Variants in NUP205 observed in about 807,000 individuals in gnomAD.
The protein encoded by NUP205 is nuclear pore complex protein Nup205.
A neutral mutation model predicts 253.8 loss-of-function variants in NUP205; 76 were observed. The observed-to-expected ratio is 0.30, with a 90% confidence interval of 0.25 to 0.36. The LOEUF (loss-of-function observed/expected upper bound fraction) is 0.36. Ranked by LOEUF, NUP205 falls within the 10% of genes least tolerant of loss-of-function variation. The probability of loss-of-function intolerance (pLI) is 1.00; values close to 1 mark genes in which losing one functional copy is unlikely to be tolerated. For synonymous variants in NUP205, 832 were observed against 850.1 expected (o/e 0.98, Z 0.37); for missense variants, 2,162 against 2,425.5 (o/e 0.89, Z 2.28).
At position 135,578,918 on chromosome 7, in the gene NUP205, G is replaced by A. The variant is rs1806227330; in HGVS notation, c.1042+3G>A. The A allele has an allele frequency of 6.3e-7, 1 of 1,580,414 alleles. No homozygotes were observed. Among genetic ancestry groups the A allele is most frequent in the Non-Finnish European group, 8.6e-7 (1 of 1,167,312 alleles). ...ATCCCAGCTACCTGATGTGACAGGT[G>A]AATTGATTGTAGGTAATTTTGTTAT... On this transcript the variant is annotated splice_donor_region_variant and intron_variant, in intron 7 of 42. Transcript: ENST00000285968.
At chr7:135,574,875 A>G (rs1286378149) in intron 3 of NUP205, among the ~76,000 whole-genome samples, 1 of 152,212 alleles carries the variant, frequency 6.6e-6, no homozygotes, top group African/African-American at 2.4e-5. Context: ...GTTGAACAAA[A>G]GTTTAATATG....
In NUP205 at chr7:135,584,958, G is replaced by A. The variant is rs188810212; in HGVS notation, c.1169G>A (p.Arg390His). 1.1e-5 allele frequency: 17 copies of A among 1,613,582 alleles called. No individual in the cohort carries two copies. The highest frequency in any genetic ancestry group is 5.5e-5 in the South Asian group (5 of 91,062). The change falls in exon 8 of 43, where the codon CGC becomes CAC. Residue 390 changes from arginine (R) to histidine (H), a missense_variant. Coordinates refer to ENST00000285968, the MANE Select transcript of NUP205 (RefSeq NM_015135.3). ...TTTTATCAGGAAGAATTTTATATTCGCAGAGTCCATAATCTCATCACAGAT... is the reference window on the plus strand; with the variant it reads ...TTTTATCAGGAAGAATTTTATATTCACAGAGTCCATAATCTCATCACAGAT... ...EYFYQEEFYIRRVHNLITDFL... is the reference protein window; with the variant it reads ...EYFYQEEFYIHRVHNLITDFL...
At position 135,598,191 on chromosome 7, in the gene NUP205, G is replaced by A. The variant is rs369619900; in HGVS notation, c.2258G>A (p.Arg753Gln). ...VFLRFRTRAY[R>Q]RAAEKWEVAE... ...CTACGATTCCGTACAAGAGCTTACC[G>A]GAGAGCAGCTGAAAAGGTTATGTTC... Residue 753 changes from arginine (R) to glutamine (Q), a missense_variant, in exon 15 of 43, where the codon CGG becomes CAG. Arg to Gln is a conservative substitution (Grantham distance 43, BLOSUM62 1). Transcript: ENST00000285968. 12 of 1,613,886 alleles carry A rather than the reference G, an allele frequency of 7.4e-6. No homozygotes were observed. Among genetic ancestry groups the A allele is most frequent in the Admixed American group, 3.3e-5 (2 of 59,988 alleles).
At chr7:135,622,671 G>GTTT in intron 30 of NUP205, 106 bp from the exon 31 acceptor site, 44 of 853,384 alleles carry the variant, frequency 5.2e-5, no homozygotes, top group Admixed American at 1.2e-4. Flanking sequence ...TTTTTGTTGC[G>GTTT]TTTTTTTTTT....
intron 24 of NUP205, 85 bp downstream of exon 24, chr7:135,616,150 A>T: frequency 8.2e-7 from 1 of 1,226,276 alleles, no homozygotes; most frequent in South Asian, 1.7e-5. Context: ...TTAGTATGTG[A>T]CTATAGACCA....
At chr7:135,629,458 A>G (rs76275028) in intron 34 of NUP205, among the ~76,000 whole-genome samples, 26 of 133,814 alleles carry the variant, frequency 1.9e-4, no homozygotes, top group African/African-American at 6.0e-4. Flanking sequence ...TGGGCAACAT[A>G]GTGAGACCCT....
intron 39 of NUP205, among the ~76,000 whole-genome samples, chr7:135,644,605 T>C (rs1794971747): frequency 1.3e-5 from 2 of 152,208 alleles, no homozygotes; most frequent in South Asian, 4.1e-4. Context: ...TCATTTTGTC[T>C]TGGTTTGTTT....
chr7:135,642,473 T>C (rs944215304), intron 38 of NUP205, among the ~76,000 whole-genome samples: 1 of 152,088 alleles, frequency 6.6e-6, no homozygotes, highest in Non-Finnish European at 1.5e-5. Context: ...TGAGCCACCG[T>C]GCCTGTCCTA....
At chr7:135,579,028 C>A in intron 7 of NUP205, 113 bp downstream of exon 7, 1 of 761,600 alleles carries the variant, frequency 1.3e-6, no homozygotes, top group Non-Finnish European at 2.0e-6. Context: ...GGAAGATATC[C>A]AGAGTTGTAT....
chr7:135,602,114 C>T (rs1001050887), intron 17 of NUP205, among the ~76,000 whole-genome samples: 1 of 152,144 alleles, frequency 6.6e-6, no homozygotes, highest in Non-Finnish European at 1.5e-5. Flanking sequence ...ATGCTTTTTA[C>T]CACGATGCTA....
intron 3 of NUP205, among the ~76,000 whole-genome samples, chr7:135,575,884 G>A (rs1292119111): frequency 1.3e-5 from 2 of 152,138 alleles, no homozygotes; most frequent in African/African-American, 4.8e-5. Flanking sequence ...GATTCCGAGG[G>A]AAGAAACTTA....
chr7:135,569,438 A>G (rs1357382771), intron 1 of NUP205, among the ~76,000 whole-genome samples: 1 of 152,174 alleles, frequency 6.6e-6, no homozygotes, highest in Non-Finnish European at 1.5e-5. Flanking sequence ...ATTATGTATT[A>G]TAGTATAAAT....
Position 135,592,998 on chromosome 7 carries a change from C to T in NUP205, c.1636C>T (p.Gln546Ter). The T allele has an allele frequency of 6.2e-7, 1 of 1,611,476 alleles. No individual in the cohort carries two copies. Among genetic ancestry groups the T allele is most frequent in the East Asian group, 2.2e-5 (1 of 44,870 alleles). Residue 546 changes from glutamine to a stop codon, truncating the protein, a stop_gained, in exon 12 of 43, where the codon CAG becomes TAG. Transcript: ENST00000285968. LOFTEE classifies it high-confidence loss of function. Reference sequence around the variant, plus strand: ...GTTTTTCTTTATAGTTGAAAATATTCAGGGAGCAGGTGGCAGTCCTGTTTC... The same window carrying T: ...GTTTTTCTTTATAGTTGAAAATATTTAGGGAGCAGGTGGCAGTCCTGTTTC... The part of the protein sequence containing the change: ...VNGSSHVENI[Q>*]GAGGSPVSWE...
Position 135,619,565 on chromosome 7 carries a change from T to C in NUP205, c.4106T>C (p.Phe1369Ser). 1 of 1,614,132 alleles carries C rather than the reference T, an allele frequency of 6.2e-7. No homozygotes were observed. The highest frequency in any genetic ancestry group is 8.5e-7 in the Non-Finnish European group (1 of 1,180,022). ...GGACCAGCAGAGGCCCATTACGCTT[T>C]TATGCTTGATAGTTGCTTCACCTCA... is the stretch of plus-strand genomic sequence containing the variant. ...VLGPAEAHYA[F>S]MLDSCFTSPP... Residue 1369 changes from phenylalanine (F) to serine (S), a missense_variant, in exon 29 of 43, where the codon TTT becomes TCT. Around this residue, in one of 5 missense-constraint regions of NUP205, gnomAD observed 1,144 missense variants for 1,280.9 expected, o/e 0.89. Coordinates refer to ENST00000285968, the MANE Select transcript of NUP205 (RefSeq NM_015135.3).
intron 26 of NUP205, 21 bp downstream of exon 26, chr7:135,617,268 C>T (rs557849032): frequency 5.0e-6 from 8 of 1,607,768 alleles, no homozygotes; most frequent in South Asian, 4.4e-5. Flanking sequence ...CTTTAAAGTA[C>T]ATATCTGCAG....
chr7:135,622,584 G>T (rs143445717), intron 30 of NUP205, among the ~76,000 whole-genome samples, 193 bp from the exon 31 acceptor site: 1 of 152,060 alleles, frequency 6.6e-6, no homozygotes, highest in African/African-American at 2.4e-5. Context: ...TGAAATAGGT[G>T]CATTGTGTTA....
In NUP205 at chr7:135,638,075, C is replaced by G. The variant is rs757950620; in HGVS notation, c.5265+16C>G. 1.2e-6 allele frequency: 2 copies of G among 1,607,176 alleles called. No homozygotes were observed. The highest frequency in any genetic ancestry group is 2.7e-5 in the African/African-American group (2 of 74,434). On this transcript the variant is annotated intron_variant, in intron 37 of 42. Transcript: ENST00000285968. ...TATGCAGCAGGTAAGAACCATGTGA[C>G]TTCTCTAAGGTTTTTATGTTTTTGG...
In NUP205 at chr7:135,597,845, C is replaced by CT. The variant is rs1393259622; in HGVS notation, c.2065-147dup. On this transcript the variant is annotated intron_variant, in intron 14 of 42. Coordinates refer to ENST00000285968, the MANE Select transcript of NUP205 (RefSeq NM_015135.3). Reference sequence around the variant, plus strand: ...CTGACTCATCTGGATTCATATAATACTTTTTTATCTTTTCCTCTAAATGAA... The same window carrying CT: ...CTGACTCATCTGGATTCATATAATACTTTTTTTATCTTTTCCTCTAAATGAA... 1.3e-4 allele frequency: 84 copies of CT among 650,634 alleles called. 1 individual carries two copies. In the South Asian group the frequency reaches 1.6e-3, roughly 12 times the overall value. 40.3% of individuals were successfully genotyped at this position (650,634 alleles called of 1,614,324 possible).
At chr7:135,571,035 A>G in intron 1 of NUP205, 70 bp from the exon 2 acceptor site, 1 of 1,241,252 alleles carries the variant, frequency 8.1e-7, no homozygotes. Context: ...AAATGTGTGG[A>G]TGGTAACCTC....
Sources: gnomAD v4.1 joint callset for allele counts (sites outside exome capture counted in the v4.1 genomes callset) on GRCh38, gnomAD v4.1.1 for gene constraint, gnomAD v4.1.1 regional missense constraint, MANE v1.5 for transcripts, NCBI Gene and HGNC (gene_info 2026-07-23, HGNC 2026-07-21) for gene names.